The following SCARB1 variants were observed in gnomAD, a reference collection of about 807,000 sequenced individuals.
The protein encoded by SCARB1 is scavenger receptor class B member 1.
In SCARB1, 30 loss-of-function variants were observed where a neutral mutation model predicts 57.2. That is an observed-to-expected ratio of 0.52 (90% confidence interval 0.39 to 0.71). SCARB1 has a LOEUF of 0.71. Among genes scored for constraint, SCARB1 ranks in the 30% least tolerant of loss-of-function variants. The pLI is 0.00. For synonymous variants in SCARB1, 249 were observed against 268.3 expected (o/e 0.93, Z 0.70); for missense variants, 543 against 671.2 (o/e 0.81, Z 2.11).
chr12:124,793,417 G>A (rs916400676), intron 9 of SCARB1, among the ~76,000 whole-genome samples: 4 of 150 alleles, frequency 0.027, no homozygotes, highest in Admixed American at 0.071. Context: ...GGATGGGGCC[G>A]GGCGCGGTGC....
At chr12:124,863,218 T>TCA (rs10692614) in intron 1 of SCARB1, among the ~76,000 whole-genome samples, 98,995 of 151,888 alleles carry the variant, frequency 0.65, 32,306 homozygotes, top group Middle Eastern at 0.7. Context: ...AAGCAGACGT[T>TCA]CACACACTCT....
chr12:124,846,889 C>A (rs1318334154), intron 1 of SCARB1, among the ~76,000 whole-genome samples: 2 of 152,048 alleles, frequency 1.3e-5, no homozygotes, highest in Non-Finnish European at 2.9e-5. Context: ...TGAAGTAACA[C>A]CAGCAAGACC....
At chr12:124,786,300 C>G in intron 11 of SCARB1, 57 bp downstream of exon 11, 1 of 1,607,682 alleles carries the variant, frequency 6.2e-7, no homozygotes, top group East Asian at 2.2e-5. Flanking sequence ...AGGCCCCTTT[C>G]CCCCAGCAGG....
rs554931852 is a variant in SCARB1 at position 124,817,725 on chromosome 12, A to G, written c.127-18T>C. 9.9e-6 allele frequency: 16 copies of G among 1,614,038 alleles called. 1 individual carries two copies. The African/African-American group carries it at 1.7e-4, about 17-fold the overall frequency. On this transcript the variant is annotated intron_variant, in intron 1 of 12. Transcript: ENST00000261693. The surrounding 1 kb of genome is among the most constrained non-coding windows in gnomAD (Gnocchi z 4.8). The stretch of plus-strand genomic sequence containing the variant: ...CGCACGTTCTGCAGGGGAAGGGACA[A>G]GTACGCTTGTGAGGAGAGTGATGAG...
intron 1 of SCARB1, among the ~76,000 whole-genome samples, chr12:124,848,732 A>T (rs560850575): frequency 6.6e-6 from 1 of 152,374 alleles, no homozygotes; most frequent in East Asian, 1.9e-4. Context: ...GAGCCGTGGT[A>T]CATCCGCACC....
chr12:124,780,509 G>C (rs1408231436), intron 12 of SCARB1, among the ~76,000 whole-genome samples: 1 of 152,250 alleles, frequency 6.6e-6, no homozygotes, highest in Non-Finnish European at 1.5e-5. Flanking sequence ...GGCAGCAGTG[G>C]CCTGCAGGGG....
intron 1 of SCARB1, among the ~76,000 whole-genome samples, chr12:124,836,915 T>C (rs10846753): frequency 6.6e-6 from 1 of 152,116 alleles, no homozygotes; most frequent in African/African-American, 2.4e-5. Flanking sequence ...AAACCCAATG[T>C]TGGCACAGAG....
rs748231262 is a variant in SCARB1 at position 124,795,264 on chromosome 12, G to A, written c.1133C>T (p.Thr378Met). ...CACAGAGCAGTTCATGGGGATTCCC[G>A]TGACCTGCGGCAACAAACACAGTGA... ...HSLFLDIHPV[T>M]GIPMNCSVKL... The change falls in exon 9 of 13, where the codon ACG (threonine) becomes ATG (methionine). Residue 378 changes from threonine to methionine, a missense_variant. By Grantham distance (81) the Thr-to-Met change is moderately conservative (BLOSUM62 -1). Transcript: ENST00000261693. 5.0e-5 allele frequency: 80 copies of A among 1,613,328 alleles called. No homozygotes were observed. In the Admixed American group the frequency reaches 6.2e-4, roughly 12 times the overall value.
chr12:124,836,663 G>A (rs1951660869), intron 1 of SCARB1, among the ~76,000 whole-genome samples: 1 of 151,994 alleles, frequency 6.6e-6, no homozygotes, highest in Non-Finnish European at 1.5e-5. Context: ...ATGTGGTAGT[G>A]TATGCCTGTA....
At chr12:124,790,781 T>G (rs1288405580) in intron 9 of SCARB1, among the ~76,000 whole-genome samples, 1 of 152,224 alleles carries the variant, frequency 6.6e-6, no homozygotes, top group Non-Finnish European at 1.5e-5. Context: ...CGTCGCTGCC[T>G]GGATTTGAAT....
intron 1 of SCARB1, among the ~76,000 whole-genome samples, chr12:124,825,696 G>A (rs562247244): frequency 2.5e-4 from 38 of 152,276 alleles, no homozygotes; most frequent in Admixed American, 3.9e-4. Context: ...GCCCAGCCAG[G>A]TTCTCAGTCA....
intron 1 of SCARB1, among the ~76,000 whole-genome samples, chr12:124,851,693 C>T (rs574846924): frequency 7.4e-4 from 112 of 151,328 alleles, no homozygotes; most frequent in Admixed American, 5.4e-3. Flanking sequence ...CTGCAACCTC[C>T]ACCTCCCGAG....
intron 9 of SCARB1, among the ~76,000 whole-genome samples, chr12:124,791,411 C>T (rs1032222096): frequency 1.3e-5 from 2 of 152,072 alleles, no homozygotes; most frequent in African/African-American, 2.4e-5. Context: ...TCTGTATAAG[C>T]GAGATATTAT....
At chr12:124,852,167 C>T (rs894292511) in intron 1 of SCARB1, among the ~76,000 whole-genome samples, 18 of 152,134 alleles carry the variant, frequency 1.2e-4, no homozygotes, top group African/African-American at 4.1e-4. Context: ...CAGACAGCCC[C>T]GATGACATCT....
In SCARB1 at chr12:124,814,972, C is replaced by T. The variant is rs1416204017; in HGVS notation, c.426+1G>A. 3 of 1,614,122 alleles carry T rather than the reference C, an allele frequency of 1.9e-6. No individual in the cohort carries two copies. The highest frequency in any genetic ancestry group is 2.5e-6 in the Non-Finnish European group (3 of 1,180,022). On this transcript the variant is annotated splice_donor_variant, in intron 3 of 12. Coordinates refer to ENST00000261693, the MANE Select transcript of SCARB1 (RefSeq NM_005505.5). LOFTEE classifies it high-confidence loss of function. The surrounding 1 kb of genome is among the most constrained non-coding windows in gnomAD (Gnocchi z 4.7). ...CGGCGTGGGCCACAGGGCAGCCTCA[C>T]CAAGACCAGGATGTTGGGCATGACG...
chr12:124,806,041 C>T (rs989168269), intron 7 of SCARB1, among the ~76,000 whole-genome samples: 1 of 152,138 alleles, frequency 6.6e-6, no homozygotes. Flanking sequence ...AATTTGATTT[C>T]GTTTAAATCA....
At chr12:124,779,017 C>T (rs1246940136) in intron 12 of SCARB1, among the ~76,000 whole-genome samples, 2 of 152,170 alleles carry the variant, frequency 1.3e-5, no homozygotes, top group Non-Finnish European at 2.9e-5. Context: ...GTGGTGCCAT[C>T]ATGGCTCACC....
Position 124,802,375 on chromosome 12 carries a change from T to C in SCARB1, c.1010-2133A>G, listed in dbSNP as rs1950165662. On this transcript the variant is annotated intron_variant, in intron 7 of 12. Transcript: ENST00000261693. ...GGTGATGGCAAGGAGGAAAAGAGCA[T>C]GGACCCAGAAGCTCACTCTCACCTC... Among the ~76,000 whole-genome samples the C allele has an allele frequency of 2.0e-5, 3 of 152,198 alleles. No homozygotes were observed. The South Asian group carries it at 6.2e-4, about 32-fold the overall frequency.
intron 9 of SCARB1, among the ~76,000 whole-genome samples, chr12:124,788,820 C>T (rs1444361906): frequency 6.6e-6 from 1 of 152,198 alleles, no homozygotes; most frequent in Non-Finnish European, 1.5e-5. Context: ...TAGAGATGCT[C>T]ACACATGCAC....
Sources: gnomAD v4.1 joint callset for allele counts (sites outside exome capture counted in the v4.1 genomes callset) on GRCh38, gnomAD v4.1.1 for gene constraint, Gnocchi (gnomAD v3.1) non-coding constraint, MANE v1.5 for transcripts, NCBI Gene and HGNC (gene_info 2026-07-23, HGNC 2026-07-21) for gene names.